The following EFCAB6 variants were observed in gnomAD, a reference collection of about 807,000 sequenced individuals.
EFCAB6 encodes EF-hand calcium-binding domain-containing protein 6.
EFCAB6 carries 156 observed loss-of-function variants against 169.8 expected under a neutral mutation model. The ratio of observed to expected loss-of-function variants is 0.92; its 90% CI spans 0.81 to 1.05. The LOEUF is 1.05. Among genes scored for constraint, EFCAB6 ranks in the 50% least tolerant of loss-of-function variants. The pLI is 0.00. For missense variants in EFCAB6, 1,800 were observed against 1,829.1 expected (o/e 0.98, Z 0.29); for synonymous variants, 698 against 676.4 (o/e 1.03, Z -0.50).
chr22:43,802,710 C>A, intron 2 of EFCAB6: 1 of 507,562 alleles, frequency 2.0e-6, no homozygotes, highest in Non-Finnish European at 3.9e-6. Context: ...GAGAATAACC[C>A]TGCACAACAT....
chr22:43,720,856 A>G (rs1208170523), intron 8 of EFCAB6, among the ~76,000 whole-genome samples: 1 of 152,196 alleles, frequency 6.6e-6, no homozygotes, highest in African/African-American at 2.4e-5. Context: ...TCAAGAAATT[A>G]AAGAGGAAGT....
intron 10 of EFCAB6, among the ~76,000 whole-genome samples, chr22:43,691,895 C>G (rs137804): frequency 0.97 from 147,078 of 152,270 alleles, 71,068 homozygotes; most frequent in African/African-American, 0.99. Flanking sequence ...TCCATGCTAA[C>G]AGGAGAACTG....
Position 43,555,092 on chromosome 22 carries a change from G to T in EFCAB6, c.3425C>A (p.Ala1142Asp). 6.2e-7 allele frequency: 1 copy of T among 1,614,184 alleles called. No individual in the cohort carries two copies. Among genetic ancestry groups the T allele is most frequent in the Non-Finnish European group, 8.5e-7 (1 of 1,180,014 alleles). ...QNFSCFLEET[A>D]DEWAEKMPKG... The stretch of plus-strand genomic sequence containing the variant: ...GGGCATTTTCTCAGCCCACTCATCA[G>T]CTGTCTGGACAAAATAGAATGGAAA... Residue 1142 changes from alanine to aspartate, a missense_variant, in exon 27 of 32, where the codon GCT becomes GAT. Ala to Asp is a moderately radical substitution (Grantham distance 126). Coordinates refer to ENST00000262726, the MANE Select transcript of EFCAB6 (RefSeq NM_022785.4).
chr22:43,554,653 T>G, intron 27 of EFCAB6: 2 of 564,802 alleles, frequency 3.5e-6, no homozygotes, highest in Non-Finnish European at 6.3e-6. Flanking sequence ...AAGGCAACAG[T>G]GACAGTATTT....
At chr22:43,661,120 A>C (rs376555869) in intron 17 of EFCAB6, among the ~76,000 whole-genome samples, 22 of 152,328 alleles carry the variant, frequency 1.4e-4, no homozygotes, top group South Asian at 1.2e-3. Context: ...CACATCTGTA[A>C]TCCCAGCACT....
At chr22:43,626,378 G>GA (rs1420217244) in intron 20 of EFCAB6, 69 bp downstream of exon 20, 3 of 1,462,920 alleles carry the variant, frequency 2.1e-6, no homozygotes, top group African/African-American at 2.8e-5. Context: ...GGACGCCATG[G>GA]AAATGCTGGA....
At chr22:43,654,140 G>A (rs1280885413) in intron 17 of EFCAB6, among the ~76,000 whole-genome samples, 1 of 152,092 alleles carries the variant, frequency 6.6e-6, no homozygotes, top group African/African-American at 2.4e-5. Context: ...CTATTTAAAG[G>A]ATAATGAGGC....
intron 10 of EFCAB6, among the ~76,000 whole-genome samples, chr22:43,705,680 ATATCT>A (rs1040702173): frequency 1.2e-4 from 19 of 152,320 alleles, no homozygotes; most frequent in African/African-American, 4.6e-4. Flanking sequence ...AAAATTTAAA[ATATCT>A]TAAGACAAAC....
chr22:43,682,998 G>C (rs1462666607), intron 12 of EFCAB6, among the ~76,000 whole-genome samples: 1 of 152,078 alleles, frequency 6.6e-6, no homozygotes, highest in East Asian at 1.9e-4. Flanking sequence ...TCTCCCTGGG[G>C]CACCACCCTC....
In EFCAB6 at chr22:43,635,178, C is replaced by A. The variant is rs780101378; in HGVS notation, c.2022G>T (p.Gln674His). 1 of 1,614,050 alleles carries A rather than the reference C, an allele frequency of 6.2e-7. No individual in the cohort carries two copies. Among genetic ancestry groups the A allele is most frequent in the African/African-American group, 1.3e-5 (1 of 74,912 alleles). The change falls in exon 18 of 32, where the codon CAG (glutamine) becomes CAT (histidine). Residue 674 changes from glutamine (Q) to histidine (H), a missense_variant. Transcript: ENST00000262726. Reference protein sequence around the residue: ...EDTGMPMDDDQYALLTTKIGF... With the variant: ...EDTGMPMDDDHYALLTTKIGF... ...CTATTTTAGTGGTCAGCAGGGCATA[C>A]TGATCATCGTCCATGGGCATCCCAG...
chr22:43,735,706 T>C, intron 7 of EFCAB6, 151 bp downstream of exon 7: 1 of 929,756 alleles, frequency 1.1e-6, no homozygotes, highest in Non-Finnish European at 1.6e-6. Flanking sequence ...CATGAGAGAA[T>C]GTCCAGTGAG....
At position 43,554,920 on chromosome 22, in the gene EFCAB6, C is replaced by T. The variant is rs148436788; in HGVS notation, c.3597G>A (p.Glu1199=). 287 of 1,614,178 alleles carry T rather than the reference C, an allele frequency of 1.8e-4. 4 individuals carry two copies. The East Asian group carries it at 6.3e-3, about 36-fold the overall frequency. Reference sequence around the variant, plus strand: ...GGCGATTACAAATGGCCCTAAACTCCTCTCTGGAGATGGTGTTCGTTTTCA... The same window carrying T: ...GGCGATTACAAATGGCCCTAAACTCTTCTCTGGAGATGGTGTTCGTTTTCA... ...DTMKTNTISR[E]EFRAICNRRV... is the part of the protein sequence containing the mutation. Residue 1199 remains glutamate, a synonymous_variant, in exon 27 of 32, where the codon GAG becomes GAA. Coordinates refer to ENST00000262726, the MANE Select transcript of EFCAB6 (RefSeq NM_022785.4).
At chr22:43,654,893 A>G (rs980874752) in intron 17 of EFCAB6, among the ~76,000 whole-genome samples, 20 of 152,258 alleles carry the variant, frequency 1.3e-4, no homozygotes, top group African/African-American at 4.3e-4. Flanking sequence ...AAAGAAGAGC[A>G]GCAAGAGTAA....
intron 27 of EFCAB6, among the ~76,000 whole-genome samples, chr22:43,545,793 C>A (rs955861949): frequency 1.3e-5 from 2 of 152,168 alleles, no homozygotes; most frequent in Admixed American, 6.5e-5. Flanking sequence ...GTGGAGGAAC[C>A]GAAGCAGCGT....
intron 10 of EFCAB6, among the ~76,000 whole-genome samples, chr22:43,708,062 G>A (rs2059018076): frequency 7.1e-6 from 1 of 140,464 alleles, no homozygotes; most frequent in African/African-American, 2.6e-5. Context: ...AACAGTGGAA[G>A]GGAAAAAAAA....
At chr22:43,741,228 T>C (rs940172925) in intron 6 of EFCAB6, among the ~76,000 whole-genome samples, 11 of 151,946 alleles carry the variant, frequency 7.2e-5, no homozygotes, top group African/African-American at 2.2e-4. Context: ...CTCCGGGCTC[T>C]GGGCTTCAGC....
intron 17 of EFCAB6, among the ~76,000 whole-genome samples, chr22:43,636,661 A>C (rs1220973068): frequency 7.4e-6 from 1 of 135,310 alleles, no homozygotes; most frequent in East Asian, 2.2e-4. Flanking sequence ...CCCAGGCTGG[A>C]GTGCAACGGT....
At chr22:43,718,870 G>A (rs2059424991) in intron 8 of EFCAB6, among the ~76,000 whole-genome samples, 1 of 152,192 alleles carries the variant, frequency 6.6e-6, no homozygotes, top group Non-Finnish European at 1.5e-5. Flanking sequence ...GAAACCTGGT[G>A]TCTCAGGACA....
intron 26 of EFCAB6, among the ~76,000 whole-genome samples, chr22:43,557,539 A>G (rs1265511546): frequency 6.6e-6 from 1 of 152,220 alleles, no homozygotes; most frequent in Non-Finnish European, 1.5e-5. Flanking sequence ...TAAAAGATCT[A>G]CCATCTATCA....
Sources: allele counts gnomAD v4.1 joint callset (sites outside exome capture counted in the v4.1 genomes callset), GRCh38; gene constraint gnomAD v4.1.1; transcripts MANE v1.5; gene names NCBI Gene and HGNC (gene_info 2026-07-23, HGNC 2026-07-21).